The following ARMH3 variants were observed in gnomAD, a reference collection of about 807,000 sequenced individuals.
ARMH3 encodes the protein armadillo like helical domain containing 3, also known as armadillo-like helical domain-containing protein 3.
A neutral mutation model predicts 99.1 loss-of-function variants in ARMH3; 60 were observed. The ratio of observed to expected loss-of-function variants is 0.61; its 90% CI spans 0.49 to 0.75. The LOEUF is 0.75. Among genes scored for constraint, ARMH3 ranks in the 30% least tolerant of loss-of-function variants. ARMH3 has a pLI of 0.00. For synonymous variants in ARMH3, 285 were observed against 292.8 expected (o/e 0.97, Z 0.27); for missense variants, 679 against 843.1 (o/e 0.81, Z 2.41).
At chr10:101,876,936 G>A (rs532490853) in intron 24 of ARMH3, among the ~76,000 whole-genome samples, 5 of 152,066 alleles carry the variant, frequency 3.3e-5, no homozygotes, top group East Asian at 1.9e-4. Flanking sequence ...GGCCAGGTGC[G>A]GTGGCTCACA....
chr10:102,032,989 T>A, intron 4 of ARMH3, 37 bp downstream of exon 4: 1 of 1,607,924 alleles, frequency 6.2e-7, no homozygotes, highest in Non-Finnish European at 8.5e-7. Flanking sequence ...TCCTTTCTCC[T>A]GTTAAACAAG....
At chr10:101,992,245 C>T (rs914057374) in intron 17 of ARMH3, among the ~76,000 whole-genome samples, 26 of 152,064 alleles carry the variant, frequency 1.7e-4, no homozygotes, top group Admixed American at 2.6e-4. Context: ...TATCAATGCA[C>T]GCCTGTTACA....
At chr10:101,918,968 C>CTTAA (rs1262117167) in intron 23 of ARMH3, among the ~76,000 whole-genome samples, 2 of 152,174 alleles carry the variant, frequency 1.3e-5, no homozygotes, top group Non-Finnish European at 2.9e-5. Context: ...GCATGGAAGG[C>CTTAA]TTAACCTAAA....
intron 14 of ARMH3, among the ~76,000 whole-genome samples, chr10:102,004,276 GGTT>G (rs1269026969): frequency 3.9e-5 from 6 of 152,100 alleles, no homozygotes; most frequent in Non-Finnish European, 7.4e-5. Context: ...TTAAAAACAA[GGTT>G]GTAATACTTA....
intron 19 of ARMH3, among the ~76,000 whole-genome samples, chr10:101,990,294 C>A (rs542448807): frequency 7.9e-5 from 12 of 152,042 alleles, no homozygotes; most frequent in African/African-American, 2.9e-4. Context: ...CGCCATACTC[C>A]TGCCTCAGCC....
At chr10:101,881,836 T>C (rs1349407818) in intron 24 of ARMH3, among the ~76,000 whole-genome samples, 1 of 152,234 alleles carries the variant, frequency 6.6e-6, no homozygotes, top group African/African-American at 2.4e-5. Flanking sequence ...GATCCTGGTT[T>C]TGAGTACACT....
chr10:101,928,728 G>GTT (rs1564761516), intron 23 of ARMH3, among the ~76,000 whole-genome samples: 1 of 152,062 alleles, frequency 6.6e-6, no homozygotes, highest in Non-Finnish European at 1.5e-5. Context: ...TGTTGTTGTT[G>GTT]TTTGTTTTTG....
At chr10:101,876,870 T>C (rs2067279746) in intron 24 of ARMH3, among the ~76,000 whole-genome samples, 1 of 152,118 alleles carries the variant, frequency 6.6e-6, no homozygotes, top group Non-Finnish European at 1.5e-5. Context: ...ATTCTTGGGT[T>C]AAACCAAGAA....
At chr10:102,002,103 C>T in intron 14 of ARMH3, 31 bp from the exon 15 acceptor site, 1 of 1,611,046 alleles carries the variant, frequency 6.2e-7, no homozygotes, top group Non-Finnish European at 8.5e-7. Context: ...TGCACTTAGC[C>T]TGCAACATAT....
At chr10:101,959,995 C>T (rs1239291406) in intron 20 of ARMH3, among the ~76,000 whole-genome samples, 2 of 152,088 alleles carry the variant, frequency 1.3e-5, no homozygotes, top group African/African-American at 2.4e-5. Flanking sequence ...CTGGGCAACA[C>T]GGTGAAACCC....
chr10:101,959,411 G>C (rs995299463), intron 20 of ARMH3, among the ~76,000 whole-genome samples: 1 of 152,288 alleles, frequency 6.6e-6, no homozygotes, highest in South Asian at 2.1e-4. Context: ...TCATAGAGGC[G>C]AGAGAAAGGG....
chr10:101,967,786 G>A (rs985472820), intron 20 of ARMH3, among the ~76,000 whole-genome samples: 4 of 152,110 alleles, frequency 2.6e-5, no homozygotes, highest in African/African-American at 9.7e-5. Flanking sequence ...TCAGAATACA[G>A]GCATCTGTCT....
At chr10:101,884,736 ATT>A (rs1247294803) in intron 24 of ARMH3, among the ~76,000 whole-genome samples, 1 of 152,016 alleles carries the variant, frequency 6.6e-6, no homozygotes, top group African/African-American at 2.4e-5. Context: ...GACTTCTTGG[ATT>A]TGACACCAAA....
intron 23 of ARMH3, among the ~76,000 whole-genome samples, chr10:101,896,162 C>T (rs2067828469): frequency 2.0e-5 from 3 of 152,112 alleles, no homozygotes; most frequent in African/African-American, 7.2e-5. Flanking sequence ...GCCTAGGAGG[C>T]CGAGGCTGCA....
chr10:102,023,950 C>G (rs758184844), intron 6 of ARMH3, among the ~76,000 whole-genome samples: 2 of 152,110 alleles, frequency 1.3e-5, no homozygotes, highest in African/African-American at 2.4e-5. Flanking sequence ...GTTAAAACTT[C>G]CTAAGTCTTT....
chr10:101,884,798 A>AG (rs1260600582), intron 24 of ARMH3, among the ~76,000 whole-genome samples: 1 of 151,870 alleles, frequency 6.6e-6, no homozygotes, highest in East Asian at 1.9e-4. Flanking sequence ...ACAAACAAAA[A>AG]AAAACAGGCA....
intron 14 of ARMH3, among the ~76,000 whole-genome samples, chr10:102,005,219 A>G (rs2066455909): frequency 6.6e-6 from 1 of 151,820 alleles, no homozygotes. Flanking sequence ...ATAAATAAAA[A>G]TAAACATACA....
intron 10 of ARMH3, 119 bp from the exon 11 acceptor site, chr10:102,011,902 G>T: frequency 1.4e-6 from 1 of 720,690 alleles, no homozygotes; most frequent in Non-Finnish European, 2.3e-6. Context: ...GAAAACTAAA[G>T]CATTATGACA....
rs116424012 is a variant in ARMH3 at position 101,974,814 on chromosome 10, C to T, written c.1495+398G>A. Among the ~76,000 whole-genome samples, 641 of 152,034 alleles carry T rather than the reference C, an allele frequency of 4.2e-3. 9 individuals carry two copies. Among genetic ancestry groups the T allele is most frequent in the African/African-American group, 0.014 (595 of 41,454 alleles). On this transcript the variant is annotated intron_variant, in intron 20 of 25. Transcript: ENST00000370033. ...TCCCTATGACATTCCTGAAGAAACA[C>T]ACAGAAGCCTCCCTACAGTCCATAT...
Sources: allele counts gnomAD v4.1 joint callset (sites outside exome capture counted in the v4.1 genomes callset), GRCh38; gene constraint gnomAD v4.1.1; transcripts MANE v1.5; gene names NCBI Gene and HGNC (gene_info 2026-07-23, HGNC 2026-07-21).